PRR14L: variants seen among roughly 807,000 people sequenced by gnomAD.
The protein encoded by PRR14L is proline rich 14 like.
In PRR14L, 80 loss-of-function variants were observed where a neutral mutation model predicts 155.0. The observed-to-expected ratio is 0.52, with a 90% CI of 0.43 to 0.62. PRR14L has a LOEUF of 0.62. Ranked by LOEUF, PRR14L falls within the 20% of genes least tolerant of loss-of-function variation. The pLI is 0.00. For synonymous variants in PRR14L, 883 were observed against 916.0 expected, an observed-to-expected ratio of 0.96 and a Z score of 0.65; for missense variants, 2,469 against 2,548.0, an observed-to-expected ratio of 0.97 and a Z score of 0.67.
In PRR14L at chr22:31,727,297, G is replaced by A. The variant is rs186557029; in HGVS notation, c.475-1687C>T. On this transcript the variant is annotated intron_variant, in intron 2 of 8. Coordinates refer to ENST00000327423, the MANE Select transcript of PRR14L (RefSeq NM_173566.3). ...TGCCCAGGCTGGAGTGCAGTGGTGCGATCTCGGCTCACTGCAATCTCTGCT... is the reference window on the plus strand; with the variant it reads ...TGCCCAGGCTGGAGTGCAGTGGTGCAATCTCGGCTCACTGCAATCTCTGCT... 5.3e-5 allele frequency among the ~76,000 whole-genome samples: 8 copies of A among 150,146 alleles called. No individual in the cohort carries two copies. In the East Asian group the frequency reaches 5.9e-4, roughly 11 times the overall value.
chr22:31,703,800 T>G, intron 5 of PRR14L, 79 bp from the exon 6 acceptor site: 1 of 835,426 alleles, frequency 1.2e-6, no homozygotes. Flanking sequence ...CTTCTTCATT[T>G]TTTTTTTTTT....
intron 4 of PRR14L, among the ~76,000 whole-genome samples, chr22:31,705,455 C>T (rs1022690984): frequency 6.6e-6 from 1 of 151,500 alleles, no homozygotes; most frequent in African/African-American, 2.4e-5. Context: ...CTCACTGCAA[C>T]CTCCACTTCC....
rs532101111 is a variant in PRR14L, at chr22:31,724,386, C to T, written c.547+1152G>A. On this transcript the variant is annotated intron_variant, in intron 3 of 8. Coordinates refer to ENST00000327423, the MANE Select transcript of PRR14L (RefSeq NM_173566.3). ...AAAATGTCGGGGACCACTGACTTAG[C>T]GTATTCACTTTATCTTCTCTTTGTG... is the stretch of plus-strand genomic sequence containing the variant. Among the ~76,000 whole-genome samples the T allele has an allele frequency of 1.7e-4, 26 of 152,264 alleles. 1 individual carries two copies. The East Asian group carries it at 2.1e-3, about 12-fold the overall frequency.
At chr22:31,692,597 A>G (rs1255639746) in intron 7 of PRR14L, among the ~76,000 whole-genome samples, 2 of 152,166 alleles carry the variant, frequency 1.3e-5, no homozygotes, top group Non-Finnish European at 2.9e-5. Context: ...TGATTTGCAA[A>G]TATTTTCTCC....
intron 3 of PRR14L, among the ~76,000 whole-genome samples, chr22:31,723,337 T>C (rs1449502445): frequency 6.6e-6 from 1 of 152,236 alleles, no homozygotes; most frequent in Non-Finnish European, 1.5e-5. Flanking sequence ...ATCTTATCTA[T>C]GTCCAATGTG....
At chr22:31,744,425 G>A (rs2074827594) in intron 1 of PRR14L, among the ~76,000 whole-genome samples, 1 of 152,042 alleles carries the variant, frequency 6.6e-6, no homozygotes, top group Non-Finnish European at 1.5e-5. Flanking sequence ...GAGCCACTAT[G>A]CCCGGCCTAC....
rs2074563839 is a variant in PRR14L at position 31,701,661 on chromosome 22, G to A, written c.6102C>T (p.Pro2034=). Residue 2034 remains proline, a synonymous_variant, in exon 7 of 9, where the codon CCC becomes CCT. Coordinates refer to ENST00000327423, the MANE Select transcript of PRR14L (RefSeq NM_173566.3). ...GTAACAGAGAAGGAGCTCACCTTTT[G>A]GGTCGAGGAAGGCCCATGGGGGTAA... The part of the protein sequence containing the change: ...PNLTPMGLPR[P]KRLKKKEFSL... The A allele has an allele frequency of 9.4e-6, 15 of 1,600,782 alleles. No homozygotes were observed. The highest frequency in any genetic ancestry group is 1.3e-5 in the Non-Finnish European group (15 of 1,174,214).
rs1415031573 is a variant in PRR14L at position 31,685,587 on chromosome 22, T to C, written c.6396A>G (p.Leu2132=). The C allele has an allele frequency of 6.4e-7, 1 of 1,552,056 alleles. No homozygotes were observed. Among genetic ancestry groups the C allele is most frequent in the Non-Finnish European group, 8.7e-7 (1 of 1,147,022 alleles). ...TGGCAAAGAAGGTCTCCAGTTCCAT[T>C]AGTTTCTGTATCAAAAGAGCATCCA... The part of the protein sequence containing the change: ...RELDALLIQK[L]MELETFFAKE... The change falls in exon 9 of 9, where the codon CTA becomes CTG. Residue 2132 remains leucine (L), a synonymous_variant. Transcript: ENST00000327423.
Position 31,729,460 on chromosome 22 carries a change from G to A in PRR14L, c.475-3850C>T, listed in dbSNP as rs188240585. Among the ~76,000 whole-genome samples, 178 of 152,120 alleles carry A rather than the reference G, an allele frequency of 1.2e-3. 1 individual carries two copies. The highest frequency in any genetic ancestry group is 4.2e-3 in the African/African-American group (173 of 41,498). ...TCTCGATCTCCTGACCTGATGATCT[G>A]CCCACCTTGGCCTCCCAAAGTGCTG... On this transcript the variant is annotated intron_variant, in intron 2 of 8. Coordinates refer to ENST00000327423, the MANE Select transcript of PRR14L (RefSeq NM_173566.3).
rs1222176731 is a variant in PRR14L at position 31,722,430 on chromosome 22, A to AG, written c.547+3107_547+3108insC. Among the ~76,000 whole-genome samples, 69 of 151,272 alleles carry AG rather than the reference A, an allele frequency of 4.6e-4. 2 individuals carry two copies. The highest frequency in any genetic ancestry group is 4.5e-3 in the Admixed American group (69 of 15,206). On this transcript the variant is annotated intron_variant, in intron 3 of 8. Coordinates refer to ENST00000327423, the MANE Select transcript of PRR14L (RefSeq NM_173566.3). ...GGGTGACAGAAAGAAAAAAAAAAAA[A>AG]AAAGAAAGAAAACTTAAATCTGGGT...
intron 1 of PRR14L, among the ~76,000 whole-genome samples, chr22:31,745,855 A>T (rs746497731): frequency 0.066 from 9,329 of 141,912 alleles, 315 homozygotes; most frequent in South Asian, 0.14. Flanking sequence ...AAAAAAAAAA[A>T]AAAAAAATAT....
At chr22:31,688,352 T>C in intron 7 of PRR14L, 125 bp from the exon 8 acceptor site, 3 of 1,227,196 alleles carry the variant, frequency 2.4e-6, no homozygotes, top group Non-Finnish European at 3.2e-6. Flanking sequence ...AGCCTTAAAC[T>C]CTAGCCATCC....
rs991007911 is a variant in PRR14L at position 31,714,892 on chromosome 22, T to C, written c.2947A>G (p.Lys983Glu). The C allele has an allele frequency of 6.4e-7, 1 of 1,551,948 alleles. No individual in the cohort carries two copies. Residue 983 changes from lysine (K) to glutamate (E), a missense_variant, in exon 4 of 9, where the codon AAA (lysine) becomes GAA (glutamate). Physicochemically the swap from Lys to Glu is moderately conservative, Grantham distance 56 (BLOSUM62 1). Coordinates refer to ENST00000327423, the MANE Select transcript of PRR14L (RefSeq NM_173566.3). ...QSNQNRPDEC[K>E]SEGQSAKEML... ...TCCTTGGCTGACTGACCTTCACTTT[T>C]GCATTCATCTGGTCTGTTTTGGTTA... is the stretch of plus-strand genomic sequence containing the variant.
At chr22:31,703,874 T>C (rs904287856) in intron 5 of PRR14L, among the ~76,000 whole-genome samples, 153 bp from the exon 6 acceptor site, 1 of 151,344 alleles carries the variant, frequency 6.6e-6, no homozygotes, top group Non-Finnish European at 1.5e-5. Context: ...CTCGGCTCAA[T>C]GCAGCCTCTG....
At chr22:31,688,739 T>G (rs887432915) in intron 7 of PRR14L, among the ~76,000 whole-genome samples, 6 of 152,166 alleles carry the variant, frequency 3.9e-5, no homozygotes, top group Admixed American at 1.3e-4. Context: ...GTGAACTGAC[T>G]GTTCTTTTTT....
rs3840094 is a variant in PRR14L, at chr22:31,682,401, C to CTT, written c.*3124_*3125dup. 46,623 of 151,902 alleles carry CTT rather than the reference C, an allele frequency of 0.31. 8,488 individuals carry two copies. Among genetic ancestry groups the CTT allele is most frequent in the African/African-American group, 0.52 (21,484 of 41,350 alleles). The allele number at this position is 151,902 out of a possible 1,614,324, so 9.4% of individuals were successfully genotyped here. On this transcript the variant is annotated 3_prime_UTR_variant, in exon 9 of 9. Transcript: ENST00000327423. ...TCCGAATAAGGCAAACGCTACATGTCTTCACCGTACCTCCCTCAGCTACTG... is the reference window on the plus strand; with the variant it reads ...TCCGAATAAGGCAAACGCTACATGTCTTTTCACCGTACCTCCCTCAGCTACTG...
chr22:31,742,250 C>G (rs2074816951), intron 1 of PRR14L, among the ~76,000 whole-genome samples: 1 of 152,142 alleles, frequency 6.6e-6, no homozygotes, highest in African/African-American at 2.4e-5. Flanking sequence ...CTGCCTACCA[C>G]AGAGATATGG....
intron 6 of PRR14L, among the ~76,000 whole-genome samples, 167 bp downstream of exon 6, chr22:31,703,383 T>C (rs895554889): frequency 2.0e-5 from 3 of 152,212 alleles, no homozygotes; most frequent in African/African-American, 7.2e-5. Context: ...TGTCCTTTAC[T>C]GGCCAAGAGA....
At chr22:31,711,216 G>A (rs1398800447) in intron 4 of PRR14L, among the ~76,000 whole-genome samples, 1 of 152,160 alleles carries the variant, frequency 6.6e-6, no homozygotes, top group East Asian at 1.9e-4. Context: ...GCTACCGCCT[G>A]TAATCTCAGC....
Sources: allele counts gnomAD v4.1 joint callset (sites outside exome capture counted in the v4.1 genomes callset), GRCh38; gene constraint gnomAD v4.1.1; transcripts MANE v1.5; gene names NCBI Gene and HGNC (gene_info 2026-07-23, HGNC 2026-07-21).